PPP1R3G: variants seen among roughly 807,000 people sequenced by gnomAD.
PPP1R3G encodes the protein protein phosphatase 1, regulatory (inhibitor) subunit 3G.
PPP1R3G carries 3 observed loss-of-function variants against 2.0 expected under a neutral mutation model. The ratio of observed to expected loss-of-function variants is 1.47; its 90% CI spans 0.67 to 3.81. The LOEUF is 3.81. PPP1R3G is among the 30% of genes most tolerant of loss of function. The pLI is 0.02. For missense variants in PPP1R3G, 595 were observed against 517.0 expected (o/e 1.15, Z -1.46); for synonymous variants, 267 against 250.9 (o/e 1.06, Z -0.61).
rs1561788047 is a variant in PPP1R3G at position 5,086,016 on chromosome 6, CG to C, written c.537del (p.Leu180CysfsTer54). 4.7e-6 allele frequency: 7 copies of C among 1,499,534 alleles called. No individual in the cohort carries two copies. The highest frequency in any genetic ancestry group is 2.9e-5 in the African/African-American group (2 of 68,674). 92.9% of individuals were successfully genotyped at this position (1,499,534 alleles called of 1,614,324 possible). A position where few individuals can be genotyped will look rare whatever the true frequency, so the allele number is the denominator to read the frequency against. The part of the protein sequence containing the change: ...PMRAEDLEQL[G>X]GLLAAAAVAA... Reference sequence around the variant, plus strand: ...TGCGTGCCGAGGACCTGGAGCAGCTCGGGGGGCTGCTGGCCGCGGCGGCAGT... The same window carrying C: ...TGCGTGCCGAGGACCTGGAGCAGCTCGGGGGCTGCTGGCCGCGGCGGCAGT... On this transcript the variant is annotated frameshift_variant, in exon 1 of 1. Coordinates refer to ENST00000405617, the MANE Select transcript of PPP1R3G (RefSeq NM_001145115.3). LOFTEE classifies it low-confidence loss of function (END_TRUNC).
chr6:5,086,291 C>G lies in PPP1R3G; in HGVS notation c.806C>G (p.Pro269Arg), dbSNP rs1322854823. The G allele has an allele frequency of 2.0e-6, 3 of 1,535,586 alleles. No homozygotes were observed. The highest frequency in any genetic ancestry group is 3.9e-5 in the Admixed American group (2 of 51,002). ...CTGGACGTGCCGGCTGAGCTGCAGC[C>G]CGAGCCGCTGGAGCCACAGCAGCCA... ...SFLDVPAELQ[P>R]EPLEPQQPEA... The change falls in exon 1 of 1, where the codon CCC (proline) becomes CGC (arginine). Residue 269 changes from proline (P) to arginine (R), a missense_variant. By Grantham distance (103) the Pro-to-Arg change is moderately radical. Coordinates refer to ENST00000405617, the MANE Select transcript of PPP1R3G (RefSeq NM_001145115.3).
rs1200193404 is a variant in PPP1R3G at position 5,086,297 on chromosome 6, C to G, written c.812C>G (p.Pro271Arg). ...GTGCCGGCTGAGCTGCAGCCCGAGCCGCTGGAGCCACAGCAGCCAGAGGCA... is the reference window on the plus strand; with the variant it reads ...GTGCCGGCTGAGCTGCAGCCCGAGCGGCTGGAGCCACAGCAGCCAGAGGCA... Reference protein sequence around the residue: ...LDVPAELQPEPLEPQQPEAPS... With the variant: ...LDVPAELQPERLEPQQPEAPS... The change falls in exon 1 of 1, where the codon CCG becomes CGG. Residue 271 changes from proline to arginine, a missense_variant. Pro to Arg is a moderately radical substitution (Grantham distance 103, BLOSUM62 -2). Coordinates refer to ENST00000405617, the MANE Select transcript of PPP1R3G (RefSeq NM_001145115.3). 6.5e-7 allele frequency: 1 copy of G among 1,535,616 alleles called. No homozygotes were observed. The highest frequency in any genetic ancestry group is 8.7e-7 in the Non-Finnish European group (1 of 1,146,706).
chr6:5,086,195 G>A lies in PPP1R3G; in HGVS notation c.710G>A (p.Gly237Asp). Reference protein sequence around the residue: ...TASGAEVKGSGRVLSCPGPRA... With the variant: ...TASGAEVKGSDRVLSCPGPRA... The stretch of plus-strand genomic sequence containing the variant: ...TCGGGCGCTGAGGTGAAGGGCTCCG[G>A]CCGGGTGCTCAGCTGCCCTGGGCCC... Residue 237 changes from glycine (G) to aspartate (D), a missense_variant, in exon 1 of 1, where the codon GGC becomes GAC. By Grantham distance (94) the Gly-to-Asp change is moderately conservative. Transcript: ENST00000405617. The A allele has an allele frequency of 6.5e-7, 1 of 1,534,316 alleles. No homozygotes were observed. Among genetic ancestry groups the A allele is most frequent in the Non-Finnish European group, 8.7e-7 (1 of 1,146,020 alleles).
chr6:5,089,321 A>G lies in PPP1R3G; in HGVS notation c.*2759A>G, dbSNP rs1297232723. The G allele has an allele frequency of 1.3e-5, 2 of 152,112 alleles. No homozygotes were observed. Among genetic ancestry groups the G allele is most frequent in the African/African-American group, 4.8e-5 (2 of 41,424 alleles). 9.4% of individuals were successfully genotyped at this position (152,112 alleles called of 1,614,324 possible). Reference sequence around the variant, plus strand: ...TAAAAGTACATTATTGCATAACCATATTTTTCCGATATATTTATAAATACA... The same window carrying G: ...TAAAAGTACATTATTGCATAACCATGTTTTTCCGATATATTTATAAATACA... On this transcript the variant is annotated 3_prime_UTR_variant, in exon 1 of 1. Transcript: ENST00000405617.
Position 5,085,814 on chromosome 6 carries a change from G to A in PPP1R3G, c.329G>A (p.Gly110Asp), listed in dbSNP as rs751946152. ...CAGCAGCAACAGGCGGTGGCACTGG[G>A]CGGCGAGGGGGCGGAGGACGCACAG... ...QQQQQQAVAL[G>D]GEGAEDAQLG... The change falls in exon 1 of 1, where the codon GGC (glycine) becomes GAC (aspartate). Residue 110 changes from glycine to aspartate, a missense_variant. Physicochemically the swap from Gly to Asp is moderately conservative, Grantham distance 94. Coordinates refer to ENST00000405617, the MANE Select transcript of PPP1R3G (RefSeq NM_001145115.3). 37 of 1,528,310 alleles carry A rather than the reference G, an allele frequency of 2.4e-5. No homozygotes were observed. The South Asian group carries it at 4.1e-4, about 17-fold the overall frequency. 94.7% of individuals were successfully genotyped at this position (1,528,310 alleles called of 1,614,324 possible). A position where few individuals can be genotyped will look rare whatever the true frequency, so the allele number is the denominator to read the frequency against.
chr6:5,085,684 C>T lies in PPP1R3G; in HGVS notation c.199C>T (p.Pro67Ser), dbSNP rs1295759995. ...CCTGTCCCCGAAGGAAGAGGCCGCC[C>T]CCCAGGAGCAGGAGGAGCTGCTGGA... ...RPLSPKEEAA[P>S]QEQEELLECR... The change falls in exon 1 of 1, where the codon CCC becomes TCC. Residue 67 changes from proline to serine, a missense_variant. Physicochemically the swap from Pro to Ser is moderately conservative, Grantham distance 74. Coordinates refer to ENST00000405617, the MANE Select transcript of PPP1R3G (RefSeq NM_001145115.3). The T allele has an allele frequency of 1.3e-6, 2 of 1,548,210 alleles. No individual in the cohort carries two copies. Among genetic ancestry groups the T allele is most frequent in the East Asian group, 2.5e-5 (1 of 40,816 alleles).
In PPP1R3G at chr6:5,086,523, C is replaced by T. The variant is rs564062299; in HGVS notation, c.1038C>T (p.Asn346=). ...GEYWDNNAGA[N]YTLRYARPAD... ...ACTGGGACAACAACGCGGGCGCCAA[C>T]TACACGCTGCGCTACGCGCGCCCTG... The change falls in exon 1 of 1, where the codon AAC becomes AAT. Residue 346 remains asparagine (N), a synonymous_variant. Transcript: ENST00000405617. 8.5e-6 allele frequency: 13 copies of T among 1,533,554 alleles called. No homozygotes were observed. Among genetic ancestry groups the T allele is most frequent in the Admixed American group, 7.9e-5 (4 of 50,686 alleles). 95.0% of individuals were successfully genotyped at this position (1,533,554 alleles called of 1,614,324 possible).
rs1328958503 is a variant in PPP1R3G at position 5,086,769 on chromosome 6, G to T, written c.*207G>T. ...GCTTAGAGAGCCCGGGCAATGCTCC[G>T]AAAGCCTCTGACCTCAGTCTTCTCG... On this transcript the variant is annotated 3_prime_UTR_variant, in exon 1 of 1. Coordinates refer to ENST00000405617, the MANE Select transcript of PPP1R3G (RefSeq NM_001145115.3). 1 of 585,344 alleles carries T rather than the reference G, an allele frequency of 1.7e-6. No homozygotes were observed. The highest frequency in any genetic ancestry group is 3.0e-6 in the Non-Finnish European group (1 of 331,674). The allele number at this position is 585,344 out of a possible 1,614,324, so 36.3% of individuals were successfully genotyped here. A position where few individuals can be genotyped will look rare whatever the true frequency, so the allele number is the denominator to read the frequency against.
chr6:5,086,253 G>C lies in PPP1R3G; in HGVS notation c.768G>C (p.Glu256Asp). 1 of 1,535,598 alleles carries C rather than the reference G, an allele frequency of 6.5e-7. No individual in the cohort carries two copies. The highest frequency in any genetic ancestry group is 8.7e-7 in the Non-Finnish European group (1 of 1,146,704). Residue 256 changes from glutamate (E) to aspartate (D), a missense_variant, in exon 1 of 1, where the codon GAG (glutamate) becomes GAC (aspartate). Physicochemically the swap from Glu to Asp is conservative, Grantham distance 45. Coordinates refer to ENST00000405617, the MANE Select transcript of PPP1R3G (RefSeq NM_001145115.3). ...RAVTVRYTFT[E>D]WRSFLDVPAE... ...TGACCGTGCGCTACACCTTTACCGAGTGGCGCTCCTTCCTGGACGTGCCGG... is the reference window on the plus strand; with the variant it reads ...TGACCGTGCGCTACACCTTTACCGACTGGCGCTCCTTCCTGGACGTGCCGG...
Position 5,085,752 on chromosome 6 carries a change from C to G in PPP1R3G, c.267C>G (p.Ala89=), listed in dbSNP as rs1334912641. ...RCRARSFSLP[A]DPILQAAKFL... is the part of the protein sequence containing the mutation. ...GCGCGCGCTCCTTTTCCTTGCCCGC[C>G]GACCCCATCTTGCAGGCGGCCAAGT... is the stretch of plus-strand genomic sequence containing the variant. The change falls in exon 1 of 1, where the codon GCC becomes GCG. Residue 89 remains alanine, a synonymous_variant. Coordinates refer to ENST00000405617, the MANE Select transcript of PPP1R3G (RefSeq NM_001145115.3). 8 of 1,537,998 alleles carry G rather than the reference C, an allele frequency of 5.2e-6. No individual in the cohort carries two copies. Among genetic ancestry groups the G allele is most frequent in the Non-Finnish European group, 6.1e-6 (7 of 1,142,568 alleles).
In PPP1R3G at chr6:5,086,439, C is replaced by T. The variant is rs1762026526; in HGVS notation, c.954C>T (p.Ala318=). Residue 318 remains alanine (A), a synonymous_variant, in exon 1 of 1, where the codon GCC becomes GCT. Coordinates refer to ENST00000405617, the MANE Select transcript of PPP1R3G (RefSeq NM_001145115.3). ...PGLQPEDEED[A]DERGVAVHFA... Reference sequence around the variant, plus strand: ...TGCAGCCTGAGGACGAAGAGGACGCCGACGAGCGCGGCGTCGCGGTCCACT... The same window carrying T: ...TGCAGCCTGAGGACGAAGAGGACGCTGACGAGCGCGGCGTCGCGGTCCACT... 3 of 1,536,454 alleles carry T rather than the reference C, an allele frequency of 2.0e-6. No individual in the cohort carries two copies. Among genetic ancestry groups the T allele is most frequent in the Non-Finnish European group, 2.6e-6 (3 of 1,146,730 alleles).
rs1762028339 is a variant in PPP1R3G, at chr6:5,086,459, T to G, written c.974T>G (p.Val325Gly). ...EEDADERGVA[V>G]HFAVCYRCAQ... ...GACGCCGACGAGCGCGGCGTCGCGG[T>G]CCACTTCGCTGTCTGCTACCGCTGC... The change falls in exon 1 of 1, where the codon GTC becomes GGC. Residue 325 changes from valine (V) to glycine (G), a missense_variant. By Grantham distance (109) the Val-to-Gly change is moderately radical. Coordinates refer to ENST00000405617, the MANE Select transcript of PPP1R3G (RefSeq NM_001145115.3). 1 of 1,536,940 alleles carries G rather than the reference T, an allele frequency of 6.5e-7. No individual in the cohort carries two copies. The highest frequency in any genetic ancestry group is 1.4e-5 in the African/African-American group (1 of 73,168).
In PPP1R3G at chr6:5,086,856, T is replaced by G. The variant is rs1356906217; in HGVS notation, c.*294T>G. 1 of 438,020 alleles carries G rather than the reference T, an allele frequency of 2.3e-6. No individual in the cohort carries two copies. The highest frequency in any genetic ancestry group is 4.0e-6 in the Non-Finnish European group (1 of 248,120). The allele number at this position is 438,020 out of a possible 1,614,324, so 27.1% of individuals were successfully genotyped here. Reference sequence around the variant, plus strand: ...AGCCTGCGTCAGAATAGGAAGAAACTTCCAAGGCCCGGAGCAGCTGCCTCC... The same window carrying G: ...AGCCTGCGTCAGAATAGGAAGAAACGTCCAAGGCCCGGAGCAGCTGCCTCC... On this transcript the variant is annotated 3_prime_UTR_variant, in exon 1 of 1. Coordinates refer to ENST00000405617, the MANE Select transcript of PPP1R3G (RefSeq NM_001145115.3).
In PPP1R3G at chr6:5,088,485, A is replaced by T. The variant is rs1762104113; in HGVS notation, c.*1923A>T. On this transcript the variant is annotated 3_prime_UTR_variant, in exon 1 of 1. Coordinates refer to ENST00000405617, the MANE Select transcript of PPP1R3G (RefSeq NM_001145115.3). ...ATAAAATATATATTTCAGTGTTCAC[A>T]AATCAGGTTTTACTGGAACACAGCC... 4 of 152,252 alleles carry T rather than the reference A, an allele frequency of 2.6e-5. No individual in the cohort carries two copies. The highest frequency in any genetic ancestry group is 2.6e-4 in the Admixed American group (4 of 15,294). The allele number at this position is 152,252 out of a possible 1,614,324, so 9.4% of individuals were successfully genotyped here. A position where few individuals can be genotyped will look rare whatever the true frequency, so the allele number is the denominator to read the frequency against.
In PPP1R3G at chr6:5,085,877, G is replaced by C. The variant is rs1259310511; in HGVS notation, c.392G>C (p.Arg131Pro). 6.5e-7 allele frequency: 1 copy of C among 1,531,490 alleles called. No individual in the cohort carries two copies. The allele number at this position is 1,531,490 out of a possible 1,614,324, so 94.9% of individuals were successfully genotyped here. Reference sequence around the variant, plus strand: ...GGCTGCTGCGCCAAGTGCAAGAAGCGGGTGCAGTTCGCGGACACGCTGGGG... The same window carrying C: ...GGCTGCTGCGCCAAGTGCAAGAAGCCGGTGCAGTTCGCGGACACGCTGGGG... ...PGGCCAKCKK[R>P]VQFADTLGLS... Residue 131 changes from arginine (R) to proline (P), a missense_variant, in exon 1 of 1, where the codon CGG becomes CCG. By Grantham distance (103) the Arg-to-Pro change is moderately radical. Coordinates refer to ENST00000405617, the MANE Select transcript of PPP1R3G (RefSeq NM_001145115.3).
At position 5,086,508 on chromosome 6, in the gene PPP1R3G, C is replaced by T. The variant is rs1187999883; in HGVS notation, c.1023C>T (p.Asn341=). Residue 341 remains asparagine, a synonymous_variant, in exon 1 of 1, where the codon AAC becomes AAT. Coordinates refer to ENST00000405617, the MANE Select transcript of PPP1R3G (RefSeq NM_001145115.3). The part of the protein sequence containing the change: ...YRCAQGEYWD[N]NAGANYTLRY... The stretch of plus-strand genomic sequence containing the variant: ...GCGCGCAGGGCGAGTACTGGGACAA[C>T]AACGCGGGCGCCAACTACACGCTGC... The T allele has an allele frequency of 6.5e-7, 1 of 1,535,354 alleles. No homozygotes were observed. Among genetic ancestry groups the T allele is most frequent in the African/African-American group, 1.4e-5 (1 of 73,048 alleles).
chr6:5,085,803 G>A lies in PPP1R3G; in HGVS notation c.318G>A (p.Ala106=), dbSNP rs1403081158. The change falls in exon 1 of 1, where the codon GCG becomes GCA. Residue 106 remains alanine (A), a synonymous_variant. Coordinates refer to ENST00000405617, the MANE Select transcript of PPP1R3G (RefSeq NM_001145115.3). ...AKFLQQQQQQ[A]VALGGEGAED... ...TCCTGCAGCAGCAGCAGCAACAGGCGGTGGCACTGGGCGGCGAGGGGGCGG... is the reference window on the plus strand; with the variant it reads ...TCCTGCAGCAGCAGCAGCAACAGGCAGTGGCACTGGGCGGCGAGGGGGCGG... 7.2e-6 allele frequency: 11 copies of A among 1,528,730 alleles called. No individual in the cohort carries two copies. The highest frequency in any genetic ancestry group is 9.6e-6 in the Non-Finnish European group (11 of 1,140,600). 94.7% of individuals were successfully genotyped at this position (1,528,730 alleles called of 1,614,324 possible).
Position 5,085,686 on chromosome 6 carries a change from C to CT in PPP1R3G, c.201_202insT (p.Gln68SerfsTer165). 6.5e-7 allele frequency: 1 copy of CT among 1,548,258 alleles called. No homozygotes were observed. The highest frequency in any genetic ancestry group is 8.7e-7 in the Non-Finnish European group (1 of 1,146,294). ...TGTCCCCGAAGGAAGAGGCCGCCCC[C>CT]CAGGAGCAGGAGGAGCTGCTGGAAT... is the stretch of plus-strand genomic sequence containing the variant. On this transcript the variant is annotated frameshift_variant, in exon 1 of 1. Coordinates refer to ENST00000405617, the MANE Select transcript of PPP1R3G (RefSeq NM_001145115.3). LOFTEE classifies it low-confidence loss of function (END_TRUNC).
In PPP1R3G at chr6:5,086,148, G is replaced by A; in HGVS notation, c.663G>A (p.Glu221=). 2.0e-6 allele frequency: 3 copies of A among 1,513,538 alleles called. No individual in the cohort carries two copies. The highest frequency in any genetic ancestry group is 2.5e-5 in the East Asian group (1 of 39,380). The allele number at this position is 1,513,538 out of a possible 1,614,324, so 93.8% of individuals were successfully genotyped here. A position where few individuals can be genotyped will look rare whatever the true frequency, so the allele number is the denominator to read the frequency against. ...TGCAGCGGCAGCGCGTGTGCCTGGAGCGCGTGCAGTGCTCGACGGCCTCGG... is the reference window on the plus strand; with the variant it reads ...TGCAGCGGCAGCGCGTGTGCCTGGAACGCGTGCAGTGCTCGACGGCCTCGG... ...ERLQRQRVCL[E]RVQCSTASGA... The change falls in exon 1 of 1, where the codon GAG becomes GAA. Residue 221 remains glutamate (E), a synonymous_variant. Coordinates refer to ENST00000405617, the MANE Select transcript of PPP1R3G (RefSeq NM_001145115.3).
Sources: gnomAD v4.1 joint callset for allele counts on GRCh38, gnomAD v4.1.1 for gene constraint, MANE v1.5 for transcripts, NCBI Gene and HGNC (gene_info 2026-07-23, HGNC 2026-07-21) for gene names.